The following NAV2 variants were observed in gnomAD, a reference collection of about 807,000 sequenced individuals.
NAV2 encodes the protein helicase, APC down-regulated 1.
Under a neutral mutation model 223.2 loss-of-function variants are expected in NAV2, and 54 were observed. That is an observed-to-expected ratio of 0.24 (90% CI 0.19 to 0.30). The LOEUF (loss-of-function observed/expected upper bound fraction) is 0.30. Among genes scored for constraint, NAV2 ranks in the 10% least tolerant of loss-of-function variants. The pLI is 1.00. For missense variants in NAV2, 2,806 were observed against 3,147.5 expected (o/e 0.89, Z 2.60); for synonymous variants, 1,279 against 1,239.3 (o/e 1.03, Z -0.67).
intron 1 of NAV2, among the ~76,000 whole-genome samples, chr11:19,470,482 T>A (rs917682194): frequency 2.6e-5 from 4 of 152,224 alleles, no homozygotes; most frequent in Non-Finnish European, 5.9e-5. Context: ...GTGAGGGCCT[T>A]CTTGCTGAAT....
chr11:19,696,960 A>G (rs572294672), intron 1 of NAV2, among the ~76,000 whole-genome samples: 2 of 152,348 alleles, frequency 1.3e-5, no homozygotes, highest in East Asian at 3.9e-4. Context: ...CATTTCAAAG[A>G]CAAGAAAACT....
intron 1 of NAV2, among the ~76,000 whole-genome samples, chr11:19,466,626 C>G (rs1403983061): frequency 1.3e-5 from 2 of 152,174 alleles, no homozygotes; most frequent in African/African-American, 2.4e-5. Context: ...TTCTACAGCT[C>G]TACATAGCTA....
At chr11:19,927,935 A>G (rs936136019) in intron 6 of NAV2, among the ~76,000 whole-genome samples, 1 of 152,214 alleles carries the variant, frequency 6.6e-6, no homozygotes, top group Non-Finnish European at 1.5e-5. Context: ...CTTTGGCTCA[A>G]CAAGGCCTGA....
chr11:20,103,441 C>A (rs199927348), intron 33 of NAV2, 32 bp downstream of exon 33: 1 of 1,602,760 alleles, frequency 6.2e-7, no homozygotes, highest in South Asian at 1.1e-5. Context: ...CATAGCCCCC[C>A]GGGAGAGAGT....
intron 22 of NAV2, among the ~76,000 whole-genome samples, chr11:20,071,647 T>C (rs2059412134): frequency 6.6e-6 from 1 of 151,858 alleles, no homozygotes; most frequent in Non-Finnish European, 1.5e-5. Flanking sequence ...TTTTTAATGA[T>C]TGCCATTCTA....
In NAV2 at chr11:20,054,266, T is replaced by G. The variant is rs752393546; in HGVS notation, c.4642+26T>G. The G allele has an allele frequency of 3.1e-6, 5 of 1,591,314 alleles. No homozygotes were observed. In the Admixed American group the frequency reaches 7.4e-5, roughly 24 times the overall value. On this transcript the variant is annotated intron_variant, in intron 18 of 37. Coordinates refer to ENST00000349880, the MANE Select transcript of NAV2 (RefSeq NM_145117.5). Reference sequence around the variant, plus strand: ...GTGAGTAGCCACTTGTCATTACCTATGTTGATCAGCTCCACAGGGCAGTGG... The same window carrying G: ...GTGAGTAGCCACTTGTCATTACCTAGGTTGATCAGCTCCACAGGGCAGTGG...
chr11:19,402,757 T>C (rs1456033759), intron 1 of NAV2, among the ~76,000 whole-genome samples: 1 of 152,202 alleles, frequency 6.6e-6, no homozygotes, highest in African/African-American at 2.4e-5. Context: ...TGTCTCCATG[T>C]GAGCATTGCT....
At chr11:19,783,123 A>G (rs1006542651) in intron 1 of NAV2, among the ~76,000 whole-genome samples, 4 of 152,144 alleles carry the variant, frequency 2.6e-5, no homozygotes, top group South Asian at 4.2e-4. Flanking sequence ...TGGGCTTAGG[A>G]AGGTGTGTAT....
chr11:20,066,994 C>G (rs1028216545), intron 20 of NAV2, among the ~76,000 whole-genome samples: 2 of 152,100 alleles, frequency 1.3e-5, no homozygotes, highest in African/African-American at 2.4e-5. Context: ...AGCAGGCTCC[C>G]CAATTCATGT....
chr11:19,811,689 C>T (rs1163663245), intron 1 of NAV2, among the ~76,000 whole-genome samples: 1 of 152,224 alleles, frequency 6.6e-6, no homozygotes. Context: ...AAGCTTTCCA[C>T]TGGCCACCTG....
At chr11:20,043,577 A>G (rs1409581737) in intron 12 of NAV2, among the ~76,000 whole-genome samples, 2 of 152,034 alleles carry the variant, frequency 1.3e-5, no homozygotes, top group Non-Finnish European at 1.5e-5. Context: ...GAGTGGGTAG[A>G]ACTATAGGCG....
rs147171527 is a variant in NAV2, at chr11:19,361,689, C to T, written c.75+10662C>T. ...ATGTGTGAGCTCTCTTTTCTGGTGG[C>T]CGTCAATCACTGGCAGGGCCTGCCA... is the stretch of plus-strand genomic sequence containing the variant. On this transcript the variant is annotated intron_variant, in intron 1 of 37. Coordinates refer to the NAV2 transcript ENST00000360655. Among the ~76,000 whole-genome samples, 379 of 152,260 alleles carry T rather than the reference C, an allele frequency of 2.5e-3. 2 individuals carry two copies. The highest frequency in any genetic ancestry group is 8.9e-3 in the African/African-American group (368 of 41,554).
At chr11:19,453,886 T>G (rs1364462383) in intron 1 of NAV2, among the ~76,000 whole-genome samples, 1 of 152,256 alleles carries the variant, frequency 6.6e-6, no homozygotes, top group Non-Finnish European at 1.5e-5. Context: ...CTGTCACTAT[T>G]GTGCCTTAAT....
At chr11:19,401,109 G>T (rs1230431512) in intron 1 of NAV2, among the ~76,000 whole-genome samples, 1 of 152,290 alleles carries the variant, frequency 6.6e-6, no homozygotes, top group East Asian at 1.9e-4. Flanking sequence ...AACAATCAAT[G>T]CTCTCAGTGC....
At chr11:19,921,244 T>C (rs2044252395) in intron 6 of NAV2, among the ~76,000 whole-genome samples, 1 of 152,218 alleles carries the variant, frequency 6.6e-6, no homozygotes, top group African/African-American at 2.4e-5. Context: ...CTTCTGTTCC[T>C]GCACATTTGG....
At chr11:19,487,784 C>T (rs967971912) in intron 1 of NAV2, among the ~76,000 whole-genome samples, 3 of 152,138 alleles carry the variant, frequency 2.0e-5, no homozygotes, top group African/African-American at 7.2e-5. Flanking sequence ...TATAATCTCC[C>T]TCTGGGACCC....
chr11:20,023,343 C>T (rs867525432), intron 11 of NAV2, among the ~76,000 whole-genome samples: 1 of 152,094 alleles, frequency 6.6e-6, no homozygotes, highest in Non-Finnish European at 1.5e-5. Flanking sequence ...TCTCCTCTTC[C>T]GCCCCCATTG....
chr11:19,729,962 T>C (rs1450553939), intron 1 of NAV2, among the ~76,000 whole-genome samples: 1 of 152,192 alleles, frequency 6.6e-6, no homozygotes. Context: ...GCTTACATGA[T>C]GTTTGTAATC....
chr11:19,424,520 A>C (rs1251805680), intron 1 of NAV2, among the ~76,000 whole-genome samples: 1 of 152,246 alleles, frequency 6.6e-6, no homozygotes, highest in East Asian at 1.9e-4. Context: ...TAAGCCATAG[A>C]ATTTGGAATA....
Sources: gnomAD v4.1 joint callset for allele counts (sites outside exome capture counted in the v4.1 genomes callset) on GRCh38, gnomAD v4.1.1 for gene constraint, MANE v1.5 for transcripts, NCBI Gene and HGNC (gene_info 2026-07-23, HGNC 2026-07-21) for gene names.